Variants in ZNF804B observed in about 807,000 individuals in gnomAD.
The protein encoded by ZNF804B is zinc finger 804B.
A neutral mutation model predicts 101.4 loss-of-function variants in ZNF804B; 80 were observed. That is an observed-to-expected ratio of 0.79 (90% CI 0.66 to 0.95). ZNF804B has a LOEUF of 0.95. Among genes scored for constraint, ZNF804B ranks in the 40% least tolerant of loss-of-function variants. The probability of loss-of-function intolerance (pLI) is 0.00; values close to 1 mark genes in which losing one functional copy is unlikely to be tolerated. For missense variants in ZNF804B, 1,673 were observed against 1,561.9 expected, an observed-to-expected ratio of 1.07 and a Z score of -1.20; for synonymous variants, 622 against 558.8, an observed-to-expected ratio of 1.11 and a Z score of -1.59.
intron 1 of ZNF804B, among the ~76,000 whole-genome samples, chr7:89,193,127 A>T (rs1220393101): frequency 6.6e-6 from 1 of 152,024 alleles, no homozygotes; most frequent in African/African-American, 2.4e-5. Context: ...TATTCAGCAT[A>T]GTATTGGAAG....
intron 1 of ZNF804B, among the ~76,000 whole-genome samples, chr7:89,128,241 T>C (rs1217020390): frequency 1.3e-5 from 2 of 151,906 alleles, no homozygotes; most frequent in Non-Finnish European, 2.9e-5. Context: ...GACATGTAGT[T>C]GTTAAGCAAT....
At chr7:89,096,710 G>T (rs1019730766) in intron 1 of ZNF804B, among the ~76,000 whole-genome samples, 1 of 152,106 alleles carries the variant, frequency 6.6e-6, no homozygotes, top group African/African-American at 2.4e-5. Context: ...CTAACTCATT[G>T]ATATTTTTGA....
intron 1 of ZNF804B, among the ~76,000 whole-genome samples, chr7:88,853,832 A>G (rs1791481484): frequency 6.6e-6 from 1 of 152,098 alleles, no homozygotes; most frequent in South Asian, 2.1e-4. Flanking sequence ...CCTTCTTGAA[A>G]ATAGATTATG....
chr7:89,087,960 A>G (rs1186385471), intron 1 of ZNF804B, among the ~76,000 whole-genome samples: 1 of 148,764 alleles, frequency 6.7e-6, no homozygotes, highest in African/African-American at 2.5e-5. Flanking sequence ...ATGTGCTTAT[A>G]TATATAAGCT....
At chr7:89,326,874 C>G (rs1263696341) in intron 2 of ZNF804B, among the ~76,000 whole-genome samples, 4 of 151,928 alleles carry the variant, frequency 2.6e-5, no homozygotes, top group Non-Finnish European at 4.4e-5. Flanking sequence ...ACATTTAGAG[C>G]TTTGAACCAA....
intron 1 of ZNF804B, among the ~76,000 whole-genome samples, chr7:89,153,356 A>C (rs531562426): frequency 1.3e-5 from 2 of 151,478 alleles, no homozygotes; most frequent in African/African-American, 4.8e-5. Context: ...TTCTTGTGGC[A>C]GTCAGGGACC....
chr7:89,156,022 T>A (rs1337414730), intron 1 of ZNF804B, among the ~76,000 whole-genome samples: 2 of 30,258 alleles, frequency 6.6e-5, no homozygotes, highest in Non-Finnish European at 1.6e-4. Flanking sequence ...TCTCTTTCCT[T>A]TCTTTCTTTC....
At chr7:88,941,736 T>G (rs1265131282) in intron 1 of ZNF804B, among the ~76,000 whole-genome samples, 1 of 151,962 alleles carries the variant, frequency 6.6e-6, no homozygotes, top group African/African-American at 2.4e-5. Context: ...ATACCAGGAA[T>G]GAACCCTAAT....
At chr7:89,129,256 C>T (rs6968831) in intron 1 of ZNF804B, among the ~76,000 whole-genome samples, 77,225 of 151,722 alleles carry the variant, frequency 0.51, 21,046 homozygotes, top group African/African-American at 0.72. Flanking sequence ...TACATTAAAA[C>T]ATTTAAGTAA....
rs550544936 is a variant in ZNF804B at position 88,957,020 on chromosome 7, A to T, written c.108+196936A>T. On this transcript the variant is annotated intron_variant, in intron 1 of 3. Transcript: ENST00000333190. ...CAATCTGTCTCTTATTGATGAAAAA[A>T]TTTTTTGATACACTTTGAATTGCAA... Among the ~76,000 whole-genome samples, 16 of 151,530 alleles carry T rather than the reference A, an allele frequency of 1.1e-4. No individual in the cohort carries two copies. In the East Asian group the frequency reaches 2.4e-3, roughly 22 times the overall value.
intron 1 of ZNF804B, among the ~76,000 whole-genome samples, chr7:88,900,113 T>C (rs1383615239): frequency 6.6e-6 from 1 of 152,134 alleles, no homozygotes; most frequent in African/African-American, 2.4e-5. Flanking sequence ...AAGATGTATA[T>C]TTAAAATACT....
In ZNF804B at chr7:89,337,056, G is replaced by T. The variant is rs201238855; in HGVS notation, c.*24G>T. Reference sequence around the variant, plus strand: ...AATAAGTGTTAAAGCCCCTCCTGTGGATAATTTTTTTAATTGTCACTACCT... The same window carrying T: ...AATAAGTGTTAAAGCCCCTCCTGTGTATAATTTTTTTAATTGTCACTACCT... On this transcript the variant is annotated 3_prime_UTR_variant, in exon 4 of 4. Transcript: ENST00000333190. 5.7e-5 allele frequency: 90 copies of T among 1,576,072 alleles called. No homozygotes were observed. In the African/African-American group the frequency reaches 8.2e-4, roughly 14 times the overall value.
intron 1 of ZNF804B, among the ~76,000 whole-genome samples, chr7:88,790,699 G>A (rs1790367341): frequency 6.6e-6 from 1 of 151,930 alleles, no homozygotes; most frequent in Non-Finnish European, 1.5e-5. Context: ...ATCACTGATG[G>A]GCATTTGAGT....
At chr7:89,061,091 C>T (rs1789372189) in intron 1 of ZNF804B, among the ~76,000 whole-genome samples, 1 of 152,042 alleles carries the variant, frequency 6.6e-6, no homozygotes, top group South Asian at 2.1e-4. Flanking sequence ...TATGGTTTGT[C>T]TGCTCGTAAC....
intron 2 of ZNF804B, among the ~76,000 whole-genome samples, chr7:89,249,564 T>TA (rs994462987): frequency 5.3e-5 from 8 of 151,768 alleles, no homozygotes; most frequent in Middle Eastern, 3.4e-3. Flanking sequence ...AGGCAGAAAT[T>TA]AAAAAAAATT....
intron 2 of ZNF804B, among the ~76,000 whole-genome samples, chr7:89,258,290 G>A (rs1056902691): frequency 3.9e-5 from 6 of 151,966 alleles, no homozygotes; most frequent in Non-Finnish European, 7.4e-5. Flanking sequence ...AGGGATCCTG[G>A]AACTAATCCT....
intron 1 of ZNF804B, among the ~76,000 whole-genome samples, chr7:89,122,603 A>C (rs1790423305): frequency 6.6e-6 from 1 of 152,082 alleles, no homozygotes; most frequent in African/African-American, 2.4e-5. Context: ...GTGACCCATT[A>C]ATGCTTCTAT....
intron 1 of ZNF804B, among the ~76,000 whole-genome samples, chr7:88,915,797 T>TTAAA (rs3034301): frequency 0.46 from 70,182 of 151,092 alleles, 18,528 homozygotes; most frequent in African/African-American, 0.73. Flanking sequence ...TTACTAAAAA[T>TTAAA]TAAATATTTG....
At chr7:89,171,729 T>A (rs372178486) in intron 1 of ZNF804B, among the ~76,000 whole-genome samples, 1 of 152,056 alleles carries the variant, frequency 6.6e-6, no homozygotes, top group South Asian at 2.1e-4. Flanking sequence ...TCCCCATGTG[T>A]GGGCAGCTCC....
Sources: allele counts gnomAD v4.1 joint callset (sites outside exome capture counted in the v4.1 genomes callset), GRCh38; gene constraint gnomAD v4.1.1; transcripts MANE v1.5; gene names NCBI Gene and HGNC (gene_info 2026-07-23, HGNC 2026-07-21).